Variants in NUDT16 observed in about 807,000 individuals in gnomAD.
The protein encoded by NUDT16 is U8 snoRNA-decapping enzyme.
Under a neutral mutation model 11.7 loss-of-function variants are expected in NUDT16, and 12 were observed. The ratio of observed to expected loss-of-function variants is 1.03; its 90% CI spans 0.66 to 1.67. The LOEUF (loss-of-function observed/expected upper bound fraction) is 1.67. NUDT16 is among the 40% of genes most tolerant of loss of function. The probability of loss-of-function intolerance (pLI) is 0.00; values close to 1 mark genes in which losing one functional copy is unlikely to be tolerated. For missense variants in NUDT16, 303 were observed against 268.9 expected, an observed-to-expected ratio of 1.13 and a Z score of -0.89; for synonymous variants, 129 against 122.6, an observed-to-expected ratio of 1.05 and a Z score of -0.35.
In NUDT16 at chr3:131,387,310, G is replaced by A. The variant is rs2097460506; in HGVS notation, c.*3969G>A. ...TTAGGGGTAGAGGTACTCTACAGGG[G>A]CTATGTTCCCTTTAGGGGTAGAGGT... On this transcript the variant is annotated 3_prime_UTR_variant, in exon 3 of 3. Transcript: ENST00000521288. 6.6e-6 allele frequency: 1 copy of A among 152,198 alleles called. No homozygotes were observed. The highest frequency in any genetic ancestry group is 2.4e-5 in the African/African-American group (1 of 41,436). The allele number at this position is 152,198 out of a possible 1,614,324, so 9.4% of individuals were successfully genotyped here.
At position 131,383,323 on chromosome 3, in the gene NUDT16, G is replaced by T; in HGVS notation, c.570G>T (p.Lys190Asn). 6.2e-7 allele frequency: 1 copy of T among 1,614,126 alleles called. No individual in the cohort carries two copies. The highest frequency in any genetic ancestry group is 8.5e-7 in the Non-Finnish European group (1 of 1,180,002). The change falls in exon 3 of 3, where the codon AAG (lysine) becomes AAT (asparagine). Residue 190 changes from lysine to asparagine, a missense_variant. Transcript: ENST00000521288. The surrounding 1 kb of genome is among the most constrained non-coding windows in gnomAD (Gnocchi z 4.4). ...LLQSGSISGL[K>N]IPAHH ...AGTCTGGCTCTATTTCAGGCCTTAA[G>T]ATTCCAGCTCATCACTAGAGGCAGC...
chr3:131,381,723 G>C (rs571702413), upstream of NUDT16: 734 of 1,458,282 alleles, frequency 5.0e-4, no homozygotes, highest in Middle Eastern at 7.2e-4. Context: ...TTGCAGCACC[G>C]CCCAGGCTCG....
upstream of NUDT16, chr3:131,381,672 G>A (rs1351178367): frequency 1.2e-5 from 12 of 1,008,410 alleles, no homozygotes; most frequent in Non-Finnish European, 1.7e-5. Context: ...CCCGCCCCCA[G>A]GCGCCTAGGT....
chr3:131,384,274 G>A lies in NUDT16; in HGVS notation c.*933G>A, dbSNP rs2097458059. 1 of 152,290 alleles carries A rather than the reference G, an allele frequency of 6.6e-6. No individual in the cohort carries two copies. Among genetic ancestry groups the A allele is most frequent in the South Asian group, 2.1e-4 (1 of 4,824 alleles). The allele number at this position is 152,290 out of a possible 1,614,324, so 9.4% of individuals were successfully genotyped here. A position where few individuals can be genotyped will look rare whatever the true frequency, so the allele number is the denominator to read the frequency against. ...AGACAGAAAGCGGACTATGCAGAGT[G>A]CTTGTGAGGGTTTCACTAAAACAGA... On this transcript the variant is annotated 3_prime_UTR_variant, in exon 3 of 3. Coordinates refer to ENST00000521288, the MANE Select transcript of NUDT16 (RefSeq NM_152395.3).
rs144052457 is a variant in NUDT16 at position 131,388,116 on chromosome 3, G to C, written c.*4775G>C. On this transcript the variant is annotated 3_prime_UTR_variant, in exon 3 of 3. Coordinates refer to ENST00000521288, the MANE Select transcript of NUDT16 (RefSeq NM_152395.3). Reference sequence around the variant, plus strand: ...TTTAAGGAGAGGGATCTCTCTGTTAGAGAACTTAACATTACCCTAGGAACA... The same window carrying C: ...TTTAAGGAGAGGGATCTCTCTGTTACAGAACTTAACATTACCCTAGGAACA... The C allele has an allele frequency of 6.6e-6, 1 of 152,200 alleles. No homozygotes were observed. Among genetic ancestry groups the C allele is most frequent in the Non-Finnish European group, 1.5e-5 (1 of 68,026 alleles). The allele number at this position is 152,200 out of a possible 1,614,324, so 9.4% of individuals were successfully genotyped here.
Position 131,388,430 on chromosome 3 carries a change from C to A in NUDT16, c.*5089C>A, listed in dbSNP as rs1274452931. On this transcript the variant is annotated 3_prime_UTR_variant, in exon 3 of 3. Coordinates refer to ENST00000521288, the MANE Select transcript of NUDT16 (RefSeq NM_152395.3). ...GCAGTACTCACTATGTTCAGGGGAA[C>A]AAAAAGATAAAAACTAAAAAGCATC... 6.6e-6 allele frequency: 1 copy of A among 152,120 alleles called. No homozygotes were observed. The highest frequency in any genetic ancestry group is 1.9e-4 in the East Asian group (1 of 5,190). 9.4% of individuals were successfully genotyped at this position (152,120 alleles called of 1,614,324 possible).
Position 131,381,811 on chromosome 3 carries a change from G to C in NUDT16, c.7G>C (p.Gly3Arg). Residue 3 changes from glycine (G) to arginine (R), a missense_variant, in exon 1 of 3, where the codon GGA becomes CGA. Physicochemically the swap from Gly to Arg is moderately radical, Grantham distance 125 (BLOSUM62 -2). Coordinates refer to ENST00000521288, the MANE Select transcript of NUDT16 (RefSeq NM_152395.3). Reference protein sequence around the residue: MAGARRLELGEAL... With the variant: MARARRLELGEAL... The stretch of plus-strand genomic sequence containing the variant: ...AGAGGAGCAGTGTCCGGCCATGGCC[G>C]GAGCCCGCAGGCTGGAGCTAGGCGA... 1.3e-6 allele frequency: 2 copies of C among 1,558,668 alleles called. No individual in the cohort carries two copies. The highest frequency in any genetic ancestry group is 1.7e-6 in the Non-Finnish European group (2 of 1,158,862).
In NUDT16 at chr3:131,383,689, G is replaced by A; in HGVS notation, c.*348G>A. On this transcript the variant is annotated 3_prime_UTR_variant, in exon 3 of 3. Transcript: ENST00000521288. This position sits in a 1 kb window ranked among gnomAD's most constrained non-coding sequence, Gnocchi z 4.4. Reference sequence around the variant, plus strand: ...GTCATGTCCAGTTTAACCTTGAAGTGGCATTTGTCACACTACCCTGGTCCC... The same window carrying A: ...GTCATGTCCAGTTTAACCTTGAAGTAGCATTTGTCACACTACCCTGGTCCC... The A allele has an allele frequency of 1.9e-6, 1 of 530,462 alleles. No homozygotes were observed. Among genetic ancestry groups the A allele is most frequent in the Non-Finnish European group, 3.4e-6 (1 of 295,904 alleles). The allele number at this position is 530,462 out of a possible 1,614,324, so 32.9% of individuals were successfully genotyped here.
rs1389978389 is a variant in NUDT16 at position 131,385,111 on chromosome 3, T to A, written c.*1770T>A. ...GAAATGTGCAGTCTAAGGTTTAATC[T>A]GACCAAGAAATTGGAATTGAAAACA... On this transcript the variant is annotated 3_prime_UTR_variant, in exon 3 of 3. Coordinates refer to ENST00000521288, the MANE Select transcript of NUDT16 (RefSeq NM_152395.3). 6.6e-6 allele frequency: 1 copy of A among 152,236 alleles called. No homozygotes were observed. Among genetic ancestry groups the A allele is most frequent in the Non-Finnish European group, 1.5e-5 (1 of 68,070 alleles). The allele number at this position is 152,236 out of a possible 1,614,324, so 9.4% of individuals were successfully genotyped here.
At chr3:131,382,005 T>G in intron 1 of NUDT16, 41 bp from the exon 2 acceptor site, 1 of 1,584,160 alleles carries the variant, frequency 6.3e-7, no homozygotes. Flanking sequence ...GGTGGTCTCC[T>G]CTGGGGCGCC....
In NUDT16 at chr3:131,387,011, T is replaced by C. The variant is rs973165862; in HGVS notation, c.*3670T>C. On this transcript the variant is annotated 3_prime_UTR_variant, in exon 3 of 3. Coordinates refer to ENST00000521288, the MANE Select transcript of NUDT16 (RefSeq NM_152395.3). The stretch of plus-strand genomic sequence containing the variant: ...CAAACGGGTGTCAGAGAGTCAAAAC[T>C]AGAGGAAAAAGTTTAGTCTGTAAAC... 1 of 152,174 alleles carries C rather than the reference T, an allele frequency of 6.6e-6. No homozygotes were observed. Among genetic ancestry groups the C allele is most frequent in the Admixed American group, 6.5e-5 (1 of 15,274 alleles). The allele number at this position is 152,174 out of a possible 1,614,324, so 9.4% of individuals were successfully genotyped here. A position where few individuals can be genotyped will look rare whatever the true frequency, so the allele number is the denominator to read the frequency against.
chr3:131,382,410 C>T, intron 2 of NUDT16, 95 bp downstream of exon 2: 1 of 1,559,214 alleles, frequency 6.4e-7, no homozygotes, highest in South Asian at 1.2e-5. Flanking sequence ...AAAGTCTTTG[C>T]CCCTCTGACC....
In NUDT16 at chr3:131,383,278, C is replaced by G. The variant is rs2097457369; in HGVS notation, c.525C>G (p.Leu175=). The change falls in exon 3 of 3, where the codon CTC becomes CTG. Residue 175 remains leucine (L), a synonymous_variant. Coordinates refer to ENST00000521288, the MANE Select transcript of NUDT16 (RefSeq NM_152395.3). This position sits in a 1 kb window ranked among gnomAD's most constrained non-coding sequence, Gnocchi z 4.4. The part of the protein sequence containing the change: ...GSAREQLLEA[L]QDLGLLQSGS... ...CGCGGGAGCAGTTACTTGAAGCTCT[C>G]CAGGACTTGGGACTGCTGCAGTCTG... 6.2e-7 allele frequency: 1 copy of G among 1,614,006 alleles called. No homozygotes were observed. Among genetic ancestry groups the G allele is most frequent in the African/African-American group, 1.3e-5 (1 of 74,906 alleles).
At position 131,384,336 on chromosome 3, in the gene NUDT16, T is replaced by G. The variant is rs2097458117; in HGVS notation, c.*995T>G. The G allele has an allele frequency of 6.6e-6, 1 of 152,262 alleles. No individual in the cohort carries two copies. Among genetic ancestry groups the G allele is most frequent in the African/African-American group, 2.4e-5 (1 of 41,414 alleles). The allele number at this position is 152,262 out of a possible 1,614,324, so 9.4% of individuals were successfully genotyped here. A position where few individuals can be genotyped will look rare whatever the true frequency, so the allele number is the denominator to read the frequency against. ...CCATTGAATTCAGTAACATGAAGTGTTTGATGACTATGATGGCAGCAGTTT... is the reference window on the plus strand; with the variant it reads ...CCATTGAATTCAGTAACATGAAGTGGTTGATGACTATGATGGCAGCAGTTT... On this transcript the variant is annotated 3_prime_UTR_variant, in exon 3 of 3. Coordinates refer to ENST00000521288, the MANE Select transcript of NUDT16 (RefSeq NM_152395.3).
Position 131,382,124 on chromosome 3 carries a change from C to T in NUDT16, c.217C>T (p.Leu73=). Residue 73 remains leucine, a synonymous_variant, in exon 2 of 3, where the codon CTG becomes TTG. Coordinates refer to ENST00000521288, the MANE Select transcript of NUDT16 (RefSeq NM_152395.3). ...GCAGGACAGAAGCCTAGAGGACGGG[C>T]TGAACCGCGAGCTGCGCGAGGAGCT... The part of the protein sequence containing the change: ...DTQDRSLEDG[L]NRELREELGE... 5.0e-6 allele frequency: 8 copies of T among 1,611,050 alleles called. No homozygotes were observed. The highest frequency in any genetic ancestry group is 6.8e-6 in the Non-Finnish European group (8 of 1,178,750).
chr3:131,381,698 TGCA>T (rs1320589026), upstream of NUDT16: 4 of 1,277,262 alleles, frequency 3.1e-6, no homozygotes, highest in African/African-American at 6.0e-5. Context: ...CCCTTATCCC[TGCA>T]GGGATTGGGC....
At position 131,381,841 on chromosome 3, in the gene NUDT16, C is replaced by A. The variant is rs1175507538; in HGVS notation, c.37C>A (p.Leu13Met). Residue 13 changes from leucine (L) to methionine (M), a missense_variant, in exon 1 of 3, where the codon CTG (leucine) becomes ATG (methionine). By Grantham distance (15) the Leu-to-Met change is conservative. Coordinates refer to ENST00000521288, the MANE Select transcript of NUDT16 (RefSeq NM_152395.3). Reference protein sequence around the residue: ...GARRLELGEALALGSGWRHAC... With the variant: ...GARRLELGEAMALGSGWRHAC... ...CCGCAGGCTGGAGCTAGGCGAGGCC[C>A]TGGCGCTGGGGTCGGGCTGGCGTCA... 1.4e-5 allele frequency: 23 copies of A among 1,592,574 alleles called. No individual in the cohort carries two copies. The African/African-American group carries it at 2.0e-4, about 14-fold the overall frequency.
In NUDT16 at chr3:131,382,190, T is replaced by A; in HGVS notation, c.283T>A (p.Tyr95Asn). 6.2e-7 allele frequency: 1 copy of A among 1,612,038 alleles called. No individual in the cohort carries two copies. Among genetic ancestry groups the A allele is most frequent in the Non-Finnish European group, 8.5e-7 (1 of 1,179,298 alleles). Residue 95 changes from tyrosine (Y) to asparagine (N), a missense_variant, in exon 2 of 3, where the codon TAC (tyrosine) becomes AAC (asparagine). By Grantham distance (143) the Tyr-to-Asn change is moderately radical. Coordinates refer to ENST00000521288, the MANE Select transcript of NUDT16 (RefSeq NM_152395.3). The stretch of plus-strand genomic sequence containing the variant: ...CGCTTTCCGCGTGGAGCGCACTGAC[T>A]ACCGCAGCTCCCACGTCGGGTCAGG... ...AAAFRVERTD[Y>N]RSSHVGSGPR...
chr3:131,382,446 G>A (rs2097456379), intron 2 of NUDT16, 131 bp downstream of exon 2: 3 of 1,539,324 alleles, frequency 1.9e-6, no homozygotes, highest in Non-Finnish European at 1.7e-6. Flanking sequence ...CTTTCTTGGT[G>A]GAGTTGGGAT....
Sources: gnomAD v4.1 joint callset for allele counts on GRCh38, gnomAD v4.1.1 for gene constraint, Gnocchi (gnomAD v3.1) non-coding constraint, MANE v1.5 for transcripts, NCBI Gene and HGNC (gene_info 2026-07-23, HGNC 2026-07-21) for gene names.